COLEC10: variants seen among roughly 807,000 people sequenced by gnomAD.
COLEC10 encodes collectin subfamily member 10.
COLEC10 carries 22 observed loss-of-function variants against 28.4 expected under a neutral mutation model. The ratio of observed to expected loss-of-function variants is 0.78; its 90% confidence interval spans 0.55 to 1.11. The LOEUF (loss-of-function observed/expected upper bound fraction) is 1.11, where lower values mean the gene tolerates loss of function less well. Among genes scored for constraint, COLEC10 ranks in the 50% least tolerant of loss-of-function variants. The pLI is 0.00. For synonymous variants in COLEC10, 125 were observed against 116.1 expected (o/e 1.08, Z -0.49); for missense variants, 361 against 344.1 (o/e 1.05, Z -0.39).
At chr8:119,074,729 A>G (rs114472834) in intron 1 of COLEC10, among the ~76,000 whole-genome samples, 112 of 152,284 alleles carry the variant, frequency 7.4e-4, no homozygotes, top group African/African-American at 2.4e-3. Context: ...AGAGCTCACA[A>G]ACTTGAGACC....
the COLEC10 span, among the ~76,000 whole-genome samples, chr8:118,953,647 A>G: frequency 6.6e-6 from 1 of 152,226 alleles, no homozygotes; most frequent in East Asian, 1.9e-4. Flanking sequence ...GAGCGTTTAA[A>G]AAACAATTAT....
At chr8:119,095,780 A>G (rs990657740) in intron 3 of COLEC10, among the ~76,000 whole-genome samples, 3 of 152,224 alleles carry the variant, frequency 2.0e-5, no homozygotes, top group Non-Finnish European at 4.4e-5. Context: ...TTCAAAATAT[A>G]TGTGTAAATG....
At chr8:118,956,405 C>T in the COLEC10 span, among the ~76,000 whole-genome samples, 1 of 152,318 alleles carries the variant, frequency 6.6e-6, no homozygotes, top group East Asian at 1.9e-4. Flanking sequence ...CTCTCTTAAA[C>T]TGCAAATCAC....
intron 2 of COLEC10, among the ~76,000 whole-genome samples, chr8:119,013,884 A>T (rs1433568510): frequency 6.6e-6 from 1 of 150,802 alleles, no homozygotes; most frequent in East Asian, 1.9e-4. Context: ...TGTAATGTAC[A>T]CTTACAACTA....
intron 2 of COLEC10, among the ~76,000 whole-genome samples, chr8:119,027,605 T>G (rs12676714): frequency 0.044 from 6,686 of 152,280 alleles, 213 homozygotes; most frequent in East Asian, 0.16. Context: ...TCCTTATATG[T>G]AGCTAATTCT....
chr8:119,055,832 G>A (rs896775119), intron 2 of COLEC10, among the ~76,000 whole-genome samples: 1 of 151,976 alleles, frequency 6.6e-6, no homozygotes, highest in Non-Finnish European at 1.5e-5. Context: ...TATTCATTCT[G>A]TCTTTAAAAT....
intron 1 of COLEC10, among the ~76,000 whole-genome samples, chr8:119,002,123 C>T (rs1451765176): frequency 6.6e-6 from 1 of 152,078 alleles, no homozygotes. Flanking sequence ...CATCAATACT[C>T]AATTACATAT....
chr8:119,088,350 A>G (rs17179200), intron 1 of COLEC10, among the ~76,000 whole-genome samples: 15,839 of 152,202 alleles, frequency 0.1, 993 homozygotes, highest in Middle Eastern at 0.19. Flanking sequence ...CCATCCTAGG[A>G]GGCATCTATA....
At chr8:119,040,808 G>T (rs1224341068) in intron 2 of COLEC10, among the ~76,000 whole-genome samples, 1 of 152,180 alleles carries the variant, frequency 6.6e-6, no homozygotes, top group Non-Finnish European at 1.5e-5. Flanking sequence ...ACAGGGGAAG[G>T]AGCCACTTCA....
At position 119,018,401 on chromosome 8, in the gene COLEC10, C is replaced by T. The variant is rs535054695; in HGVS notation, n.235+8848C>T. Among the ~76,000 whole-genome samples the T allele has an allele frequency of 3.9e-5, 6 of 152,248 alleles. No individual in the cohort carries two copies. In the South Asian group the frequency reaches 1.2e-3, roughly 32 times the overall value. On this transcript the variant is annotated intron_variant and non_coding_transcript_variant, in intron 2 of 6. Coordinates refer to the COLEC10 transcript ENST00000521788. Reference sequence around the variant, plus strand: ...TCTTCCTGTACTCTTTTGGATGTTTCTACTACCCCAAGGGGAAAGGTTCCC... The same window carrying T: ...TCTTCCTGTACTCTTTTGGATGTTTTTACTACCCCAAGGGGAAAGGTTCCC...
chr8:119,084,335 C>G (rs761401945), intron 1 of COLEC10, among the ~76,000 whole-genome samples: 22 of 152,324 alleles, frequency 1.4e-4, no homozygotes, highest in Non-Finnish European at 2.5e-4. Flanking sequence ...TGGGCTTCAT[C>G]AATACGTCAT....
At chr8:119,055,494 G>A (rs1814744165) in intron 2 of COLEC10, among the ~76,000 whole-genome samples, 1 of 152,138 alleles carries the variant, frequency 6.6e-6, no homozygotes, top group African/African-American at 2.4e-5. Flanking sequence ...CTTAGATACA[G>A]AATAAGTAAA....
chr8:118,955,685 AG>A, the COLEC10 span, among the ~76,000 whole-genome samples: 6 of 152,220 alleles, frequency 3.9e-5, no homozygotes, highest in African/African-American at 1.4e-4. Context: ...CATGGTGAAG[AG>A]GTGGGGAGGG....
chr8:118,966,907 G>A, the COLEC10 span, among the ~76,000 whole-genome samples: 1 of 152,036 alleles, frequency 6.6e-6, no homozygotes, highest in African/African-American at 2.4e-5. Context: ...GTCAAGCCAG[G>A]TACCATATTT....
chr8:119,090,038 A>G (rs997758027), intron 2 of COLEC10, among the ~76,000 whole-genome samples: 1 of 152,184 alleles, frequency 6.6e-6, no homozygotes, highest in African/African-American at 2.4e-5. Context: ...ACGATGTGTT[A>G]TAGTGCTGTG....
intron 1 of COLEC10, among the ~76,000 whole-genome samples, chr8:119,070,476 TCCTTCCCCCTCCTTCC>T (rs1815088343): frequency 4.4e-4 from 44 of 99,038 alleles, no homozygotes; most frequent in African/African-American, 1.3e-3. Context: ...TCTCTCTCTC[TCCTTCCCCCTCCTTCC>T]CTCCCTCTCT....
chr8:118,954,548 T>G, the COLEC10 span, among the ~76,000 whole-genome samples: 2 of 152,226 alleles, frequency 1.3e-5, no homozygotes, highest in Non-Finnish European at 2.9e-5. Context: ...CTGTGACAGA[T>G]CCCTCATTGG....
the COLEC10 span, among the ~76,000 whole-genome samples, chr8:118,986,714 G>A: frequency 2.0e-5 from 3 of 152,078 alleles, no homozygotes; most frequent in Non-Finnish European, 4.4e-5. Flanking sequence ...CCATTAAAGT[G>A]AATGAAGTAC....
At chr8:119,004,834 TC>T (rs1157789656) in intron 1 of COLEC10, among the ~76,000 whole-genome samples, 2 of 151,856 alleles carry the variant, frequency 1.3e-5, no homozygotes, top group African/African-American at 4.8e-5. Context: ...TGACTCTTCC[TC>T]CAAAATAGCT....
Sources: allele counts gnomAD v4.1 joint callset (sites outside exome capture counted in the v4.1 genomes callset), GRCh38; gene constraint gnomAD v4.1.1; transcripts MANE v1.5; gene names NCBI Gene and HGNC (gene_info 2026-07-23, HGNC 2026-07-21).